TM2D3: variants seen among roughly 807,000 people sequenced by gnomAD.
TM2D3 encodes the protein TM2 domain containing 3.
TM2D3 carries 33 observed loss-of-function variants against 27.3 expected under a neutral mutation model. The observed-to-expected ratio is 1.21, with a 90% confidence interval of 0.92 to 1.61. The LOEUF is 1.61. TM2D3 is among the 40% of genes most tolerant of loss of function. The pLI is 0.00. For missense variants in TM2D3, 364 were observed against 320.8 expected (o/e 1.13, Z -1.03); for synonymous variants, 138 against 122.2 (o/e 1.13, Z -0.85).
At chr15:101,637,534 G>C (rs1435291254), downstream of TM2D3, among the ~76,000 whole-genome samples, 4 of 152,186 alleles carry the variant, frequency 2.6e-5, no homozygotes, top group Non-Finnish European at 5.9e-5. Context: ...TGGAAAGTAA[G>C]CCACATCACA....
downstream of TM2D3, among the ~76,000 whole-genome samples, chr15:101,641,407 C>T (rs1253230742): frequency 6.6e-6 from 1 of 152,174 alleles, no homozygotes; most frequent in African/African-American, 2.4e-5. Context: ...GTGCTTTAAA[C>T]AGCAGCAAGT....
intron 4 of TM2D3, chr15:101,633,736 C>A (rs1003704631): frequency 3.3e-6 from 5 of 1,524,014 alleles, no homozygotes; most frequent in East Asian, 2.5e-5. Context: ...AGACTATACC[C>A]AAAAAGAAGA....
chr15:101,650,908 A>G (rs1896950151), intron 2 of TM2D3: 1 of 152,256 alleles, frequency 6.6e-6, no homozygotes, highest in Non-Finnish European at 1.5e-5. Flanking sequence ...TTCTCTAAAA[A>G]GTAATCTGAG....
In TM2D3 at chr15:101,650,067, G is replaced by A. The variant is rs142921358; in HGVS notation, c.264C>T (p.Phe88=). The change falls in exon 3 of 6, where the codon TTC becomes TTT. Residue 88 remains phenylalanine, a synonymous_variant. Coordinates refer to ENST00000333202, the MANE Select transcript of TM2D3 (RefSeq NM_078474.3). ...TGACAGGCTTCCCATAGGTACAGGA[G>A]AAATTTGTTGTGCAGTCTATACAGT... The part of the protein sequence containing the change: ...PADCIDCTTN[F]SCTYGKPVTF... 1.5e-4 allele frequency: 245 copies of A among 1,614,170 alleles called. 2 individuals carry two copies. In the African/African-American group the frequency reaches 2.9e-3, roughly 19 times the overall value.
rs1364565316 is a variant in TM2D3 at position 101,642,035 on chromosome 15, A to G, written c.*444T>C. 1.0e-6 allele frequency: 1 copy of G among 986,372 alleles called. No individual in the cohort carries two copies. The highest frequency in any genetic ancestry group is 1.7e-5 in the African/African-American group (1 of 57,264). The allele number at this position is 986,372 out of a possible 1,614,324, so 61.1% of individuals were successfully genotyped here. ...ACTGAAGCTGAGCCTAATAACTTCAATTAGCCAACAACAGAAACACTCCCA... is the reference window on the plus strand; with the variant it reads ...ACTGAAGCTGAGCCTAATAACTTCAGTTAGCCAACAACAGAAACACTCCCA... On this transcript the variant is annotated 3_prime_UTR_variant, in exon 6 of 6. Transcript: ENST00000333202.
At chr15:101,642,695 T>G in intron 5 of TM2D3, 51 bp from the exon 6 acceptor site, 2 of 1,487,430 alleles carry the variant, frequency 1.3e-6, no homozygotes, top group Non-Finnish European at 9.1e-7. Flanking sequence ...ACCCCAGCTG[T>G]GGCCAGTCAC....
chr15:101,636,849 CTTTT>C (rs761008024), downstream of TM2D3: 1 of 380,726 alleles, frequency 2.6e-6, no homozygotes. Context: ...TTTTCTTTTT[CTTTT>C]ATTTTTTAGA....
intron 4 of TM2D3, chr15:101,646,480 T>C: frequency 2.4e-6 from 1 of 419,562 alleles, no homozygotes; most frequent in South Asian, 2.5e-5. Flanking sequence ...TCAATTACTG[T>C]GTATTATGCT....
chr15:101,647,539 T>G (rs925546965), intron 3 of TM2D3, among the ~76,000 whole-genome samples: 1 of 152,218 alleles, frequency 6.6e-6, no homozygotes, highest in Non-Finnish European at 1.5e-5. Flanking sequence ...ACATGGTGTG[T>G]GGAGGCTCAG....
At chr15:101,636,962 C>T (rs1468298453), downstream of TM2D3, 6 of 413,200 alleles carry the variant, frequency 1.5e-5, no homozygotes, top group East Asian at 8.0e-5. Context: ...AGATTTATTC[C>T]GAACCAAATA....
At chr15:101,634,112 C>T (rs1022351445) in intron 4 of TM2D3, 22 of 160,100 alleles carry the variant, frequency 1.4e-4, no homozygotes, top group African/African-American at 2.4e-4. Context: ...AACGAAAAAT[C>T]GATGAACTCA....
chr15:101,646,811 G>T lies in TM2D3; in HGVS notation c.416C>A (p.Thr139Asn). ...WQLPETDYEC[T>N]NSTSCMTVSC... ...CACCGTCATGCAGCTGGTGGAGTTG[G>T]TACACTCGTAATCTGTTTCAGGAAG... The change falls in exon 4 of 6, where the codon ACC becomes AAC. Residue 139 changes from threonine (T) to asparagine (N), a missense_variant. Physicochemically the swap from Thr to Asn is moderately conservative, Grantham distance 65 (BLOSUM62 0). Transcript: ENST00000333202. 1 of 1,614,208 alleles carries T rather than the reference G, an allele frequency of 6.2e-7. No homozygotes were observed. The highest frequency in any genetic ancestry group is 1.1e-5 in the South Asian group (1 of 91,088).
intron 5 of TM2D3, 49 bp from the exon 6 acceptor site, chr15:101,642,693 T>A (rs745726736): frequency 1.4e-5 from 21 of 1,503,978 alleles, no homozygotes; most frequent in Middle Eastern, 1.9e-4. Context: ...CCACCCCAGC[T>A]GTGGCCAGTC....
chr15:101,646,389 A>G, intron 4 of TM2D3: 2 of 110,836 alleles, frequency 1.8e-5, no homozygotes, highest in Non-Finnish European at 4.7e-5. Context: ...GAGGAAAGGC[A>G]ACCAGGTGAA....
exon 5 of TM2D3, chr15:101,633,658 C>T: frequency 6.5e-7 from 1 of 1,530,752 alleles, no homozygotes; most frequent in Non-Finnish European, 8.7e-7. Context: ...CTCAAAAATC[C>T]ACCTTTTTCA....
At chr15:101,649,924 C>A in intron 3 of TM2D3, 80 bp downstream of exon 3, 1 of 1,314,404 alleles carries the variant, frequency 7.6e-7, no homozygotes. Context: ...GAATTTCTTC[C>A]CAATAATCAA....
downstream of TM2D3, among the ~76,000 whole-genome samples, chr15:101,638,934 C>G (rs1482675693): frequency 6.6e-6 from 1 of 152,204 alleles, no homozygotes; most frequent in African/African-American, 2.4e-5. Context: ...ATTCATCAAA[C>G]TCCTAGTCAC....
chr15:101,650,030 C>T lies in TM2D3; in HGVS notation c.301G>A (p.Ala101Thr). ...TYGKPVTFDC[A>T]VKPSVTCVDQ... ...ACACAGGTAACAGATGGTTTCACTG[C>T]ACAGTCAAAAGTGACAGGCTTCCCA... Residue 101 changes from alanine (A) to threonine (T), a missense_variant, in exon 3 of 6, where the codon GCA (alanine) becomes ACA (threonine). By Grantham distance (58) the Ala-to-Thr change is moderately conservative (BLOSUM62 0). Transcript: ENST00000333202. 2 of 1,614,004 alleles carry T rather than the reference C, an allele frequency of 1.2e-6. No individual in the cohort carries two copies. Among genetic ancestry groups the T allele is most frequent in the Non-Finnish European group, 1.7e-6 (2 of 1,179,954 alleles).
chr15:101,643,858 CT>C (rs762147806), intron 5 of TM2D3, among the ~76,000 whole-genome samples: 3 of 151,094 alleles, frequency 2.0e-5, no homozygotes, highest in Admixed American at 2.0e-4. Context: ...GGTTACTAAT[CT>C]TTTTTTTTGA....
Sources: gnomAD v4.1 joint callset for allele counts (sites outside exome capture counted in the v4.1 genomes callset) on GRCh38, gnomAD v4.1.1 for gene constraint, MANE v1.5 for transcripts, NCBI Gene and HGNC (gene_info 2026-07-23, HGNC 2026-07-21) for gene names.